The following HIP1 variants were observed in gnomAD, a reference collection of about 807,000 sequenced individuals.
HIP1 encodes huntingtin-interacting protein 1.
Under a neutral mutation model 147.6 loss-of-function variants are expected in HIP1, and 65 were observed. The observed-to-expected ratio is 0.44, with a 90% CI of 0.36 to 0.54. The LOEUF is 0.54. Ranked by LOEUF, HIP1 falls within the 20% of genes least tolerant of loss-of-function variation. The pLI is 0.00. For missense variants in HIP1, 1,061 were observed against 1,299.6 expected (o/e 0.82, Z 2.82); for synonymous variants, 479 against 504.0 (o/e 0.95, Z 0.67).
chr7:75,702,398 G>A (rs745480837), intron 1 of HIP1, among the ~76,000 whole-genome samples: 2 of 151,740 alleles, frequency 1.3e-5, no homozygotes, highest in Admixed American at 6.6e-5. Flanking sequence ...GTGAGCCACC[G>A]CACCCGGCCT....
chr7:75,552,495 G>A (rs1794822006), intron 22 of HIP1, among the ~76,000 whole-genome samples: 1 of 150,784 alleles, frequency 6.6e-6, no homozygotes, highest in African/African-American at 2.5e-5. Flanking sequence ...GACTACAGGT[G>A]CGTGACATCA....
At chr7:75,673,654 TCATAGCTAG>T (rs1799793980) in intron 1 of HIP1, among the ~76,000 whole-genome samples, 1 of 152,040 alleles carries the variant, frequency 6.6e-6, no homozygotes, top group African/African-American at 2.4e-5. Flanking sequence ...TTTGGATTTT[TCATAGCTAG>T]CATATAGAAA....
At chr7:75,637,981 C>A (rs1277866660) in intron 1 of HIP1, among the ~76,000 whole-genome samples, 10 of 28,072 alleles carry the variant, frequency 3.6e-4, no homozygotes, top group African/African-American at 1.0e-3. Context: ...ACCCAGACCC[C>A]CCCCCCCCCC....
chr7:75,733,026 A>G (rs1165460835), intron 1 of HIP1, among the ~76,000 whole-genome samples: 1 of 152,180 alleles, frequency 6.6e-6, no homozygotes, highest in Non-Finnish European at 1.5e-5. Context: ...GTATGTGCTC[A>G]CTAAACGGAT....
intron 1 of HIP1, among the ~76,000 whole-genome samples, chr7:75,637,712 G>T (rs1798475433): frequency 6.6e-6 from 1 of 151,476 alleles, no homozygotes; most frequent in African/African-American, 2.4e-5. Flanking sequence ...AAGACATGAA[G>T]CCCCTCAAGC....
chr7:75,541,961 G>C lies in HIP1; in HGVS notation c.2910C>G (p.Ser970Arg), dbSNP rs1171155415. 5.6e-6 allele frequency: 9 copies of C among 1,613,776 alleles called. No homozygotes were observed. The highest frequency in any genetic ancestry group is 1.3e-5 in the African/African-American group (1 of 74,932). The change falls in exon 29 of 31, where the codon AGC (serine) becomes AGG (arginine). Residue 970 changes from serine to arginine, a missense_variant. Physicochemically the swap from Ser to Arg is moderately radical, Grantham distance 110. This residue lies in a region of HIP1 where 810 missense variants were observed against 946.8 expected (regional missense o/e 0.86). Transcript: ENST00000336926. ...IEETDNMDFS[S>R]MTLTQIKRQE... ...GGCGTTTGATCTGTGTCAGCGTCAT[G>C]CTTGAGAAGTCCATGTTGTCTGCAA...
chr7:75,584,836 C>T (rs237232), intron 5 of HIP1, among the ~76,000 whole-genome samples: 15,100 of 151,444 alleles, frequency 0.1, 969 homozygotes, highest in African/African-American at 0.17. Context: ...CCTCCTCCCA[C>T]TTTCCATTTA....
At chr7:75,692,507 G>A (rs1414167739) in intron 1 of HIP1, among the ~76,000 whole-genome samples, 2 of 151,256 alleles carry the variant, frequency 1.3e-5, no homozygotes, top group African/African-American at 4.9e-5. Flanking sequence ...TGCAGCCTCT[G>A]CCCCCCAGGT....
chr7:75,659,799 C>T (rs919619962), intron 1 of HIP1, among the ~76,000 whole-genome samples: 2 of 152,092 alleles, frequency 1.3e-5, no homozygotes, highest in African/African-American at 2.4e-5. Flanking sequence ...CCACCATATG[C>T]GAGCACTTTT....
intron 1 of HIP1, among the ~76,000 whole-genome samples, chr7:75,675,722 T>G (rs1799866509): frequency 6.6e-6 from 1 of 152,116 alleles, no homozygotes. Context: ...CTCACACCTG[T>G]AATCCCAGGA....
intron 1 of HIP1, among the ~76,000 whole-genome samples, chr7:75,677,264 C>T (rs562945071): frequency 6.6e-6 from 1 of 151,482 alleles, no homozygotes; most frequent in African/African-American, 2.4e-5. Flanking sequence ...ACAAATGTCC[C>T]TTGAGAGAGG....
At chr7:75,730,734 AT>A (rs782732504) in intron 1 of HIP1, among the ~76,000 whole-genome samples, 2,859 of 138,596 alleles carry the variant, frequency 0.021, 34 homozygotes, top group Middle Eastern at 0.037. Flanking sequence ...GTGGGCAGTA[AT>A]TTTTTTTTTT....
At position 75,562,829 on chromosome 7, in the gene HIP1, T is replaced by C. The variant is rs953599263; in HGVS notation, c.1020+106A>G. ...GGTGCTAGGTGAATGAAGAGAAGCC[T>C]GAACCTGGTTAGAGTCAATGGGCTT... On this transcript the variant is annotated intron_variant, in intron 11 of 30. Coordinates refer to ENST00000336926, the MANE Select transcript of HIP1 (RefSeq NM_005338.7). The C allele has an allele frequency of 4.2e-5, 49 of 1,171,454 alleles. 1 individual carries two copies. The Admixed American group carries it at 7.0e-4, about 17-fold the overall frequency. The allele number at this position is 1,171,454 out of a possible 1,614,324, so 72.6% of individuals were successfully genotyped here. A position where few individuals can be genotyped will look rare whatever the true frequency, so the allele number is the denominator to read the frequency against.
At chr7:75,585,350 A>C (rs867145) in intron 5 of HIP1, among the ~76,000 whole-genome samples, 2,187 of 150,674 alleles carry the variant, frequency 0.015, 53 homozygotes, top group African/African-American at 0.05. Flanking sequence ...TTCTTTTTGT[A>C]TTTTTAGTAG....
intron 1 of HIP1, among the ~76,000 whole-genome samples, chr7:75,660,522 G>A (rs1355518395): frequency 2.0e-5 from 3 of 152,044 alleles, no homozygotes; most frequent in African/African-American, 4.8e-5. Context: ...TTGAGACTCT[G>A]TCTCAAAAAC....
At chr7:75,548,029 T>G (rs1794637152) in intron 23 of HIP1, among the ~76,000 whole-genome samples, 1 of 151,908 alleles carries the variant, frequency 6.6e-6, no homozygotes, top group African/African-American at 2.4e-5. Flanking sequence ...CTGTGATCCG[T>G]GTCATTTTGT....
At position 75,637,984 on chromosome 7, in the gene HIP1, C is replaced by T. The variant is rs782371254; in HGVS notation, c.121-38737G>A. The stretch of plus-strand genomic sequence containing the variant: ...TGGCAAGGGCAGACCCAGACCCCCC[C>T]CCCCCCCCCACACACACACATACAC... On this transcript the variant is annotated intron_variant, in intron 1 of 30. Transcript: ENST00000336926. Among the ~76,000 whole-genome samples, 62 of 48,034 alleles carry T rather than the reference C, an allele frequency of 1.3e-3. 2 individuals are homozygous for T. Among genetic ancestry groups the T allele is most frequent in the African/African-American group, 6.0e-3 (52 of 8,732 alleles). 31.5% of individuals were successfully genotyped at this position (48,034 alleles called of 152,430 possible).
rs782185414 is a variant in HIP1, at chr7:75,546,968, G to A, written c.2530C>T (p.Leu844Phe). 2.5e-6 allele frequency: 4 copies of A among 1,580,520 alleles called. No individual in the cohort carries two copies. Among genetic ancestry groups the A allele is most frequent in the Non-Finnish European group, 3.4e-6 (4 of 1,162,024 alleles). The change falls in exon 25 of 31, where the codon CTC becomes TTC. Residue 844 changes from leucine (L) to phenylalanine (F), a missense_variant. Around this residue, in one of 3 missense-constraint regions of HIP1, gnomAD observed 810 missense variants for 946.8 expected, o/e 0.86. Transcript: ENST00000336926. The stretch of plus-strand genomic sequence containing the variant: ...CCGCTCTCCACAATCTCTCTCTGGA[G>A]GTCCTTAGAGGCCACGATGAGCACC... ...IQVLIVASKD[L>F]QREIVESGRG...
At chr7:75,633,164 A>G (rs1478972153) in intron 1 of HIP1, among the ~76,000 whole-genome samples, 1 of 152,196 alleles carries the variant, frequency 6.6e-6, no homozygotes, top group Non-Finnish European at 1.5e-5. Flanking sequence ...AAGAAAAAAA[A>G]AATACATTTT....
Sources: allele counts gnomAD v4.1 joint callset (sites outside exome capture counted in the v4.1 genomes callset), GRCh38; gene constraint gnomAD v4.1.1; regional missense constraint gnomAD v4.1.1; transcripts MANE v1.5; gene names NCBI Gene and HGNC (gene_info 2026-07-23, HGNC 2026-07-21).